The following SHTN1 variants were observed in gnomAD, a reference collection of about 807,000 sequenced individuals.
The protein encoded by SHTN1 is shootin 1.
Under a neutral mutation model 83.1 loss-of-function variants are expected in SHTN1, and 42 were observed. The ratio of observed to expected loss-of-function variants is 0.51; its 90% CI spans 0.39 to 0.65. The LOEUF is 0.65. Among genes scored for constraint, SHTN1 ranks in the 30% least tolerant of loss-of-function variants. The pLI is 0.00. For synonymous variants in SHTN1, 224 were observed against 247.7 expected, an observed-to-expected ratio of 0.90 and a Z score of 0.90; for missense variants, 622 against 737.8, an observed-to-expected ratio of 0.84 and a Z score of 1.82.
intron 6 of SHTN1, 30 bp downstream of exon 6, chr10:116,951,879 G>T (rs779523990): frequency 1.6e-6 from 2 of 1,274,804 alleles, no homozygotes; most frequent in Non-Finnish European, 2.2e-6. Context: ...AAATGCTAAA[G>T]CCCTTGCCTT....
intron 1 of SHTN1, among the ~76,000 whole-genome samples, chr10:117,056,856 C>A (rs914282051): frequency 3.9e-5 from 6 of 151,988 alleles, no homozygotes; most frequent in African/African-American, 1.4e-4. Context: ...AAACAAAAAC[C>A]CTTAGCAAAC....
chr10:117,040,325 ATAAG>A (rs1852565188), intron 2 of SHTN1, among the ~76,000 whole-genome samples: 4 of 152,214 alleles, frequency 2.6e-5, no homozygotes, highest in Admixed American at 2.0e-4. Context: ...GATAAGAAAA[ATAAG>A]TAAGTGAAAA....
chr10:117,050,923 T>G (rs1403638457), intron 1 of SHTN1, among the ~76,000 whole-genome samples: 1 of 152,054 alleles, frequency 6.6e-6, no homozygotes, highest in Non-Finnish European at 1.5e-5. Context: ...CTGGGTGTGG[T>G]GGCACCTGCC....
chr10:116,900,779 CAGG>C, intron 16 of SHTN1: 1 of 985,002 alleles, frequency 1.0e-6, no homozygotes, highest in Non-Finnish European at 1.2e-6. Context: ...CACATGACTA[CAGG>C]AGAAAATGTG....
At chr10:116,940,835 G>A (rs79629226) in intron 8 of SHTN1, among the ~76,000 whole-genome samples, 2,715 of 151,952 alleles carry the variant, frequency 0.018, 48 homozygotes, top group Non-Finnish European at 0.028. Flanking sequence ...CAATAAGCTG[G>A]TCTTACTCTT....
chr10:117,015,395 G>A (rs148939637), intron 2 of SHTN1, among the ~76,000 whole-genome samples: 23 of 152,260 alleles, frequency 1.5e-4, no homozygotes, highest in Admixed American at 1.3e-3. Flanking sequence ...GCAATGGCAC[G>A]ATCTCAGCTC....
intron 2 of SHTN1, among the ~76,000 whole-genome samples, chr10:117,021,252 C>CTTCCTCCCTCCCTTCCTCCT (rs758154344): frequency 6.6e-6 from 1 of 151,774 alleles, no homozygotes; most frequent in Non-Finnish European, 1.5e-5. Context: ...ACGTGCCTCC[C>CTTCCTCCCTCCCTTCCTCCT]TTCCTCCCTC....
At chr10:117,064,624 C>T (rs1852947379) in intron 1 of SHTN1, among the ~76,000 whole-genome samples, 2 of 148,012 alleles carry the variant, frequency 1.4e-5, no homozygotes, top group Non-Finnish European at 3.0e-5. Context: ...CACTGCATTC[C>T]AGTCCGGGCA....
intron 2 of SHTN1, among the ~76,000 whole-genome samples, chr10:117,047,312 G>A (rs1260183894): frequency 3.3e-5 from 5 of 151,858 alleles, no homozygotes; most frequent in East Asian, 2.0e-4. Flanking sequence ...TGATCCACCC[G>A]CCTCAGCCTC....
At chr10:116,990,553 A>C (rs1168920718) in intron 1 of SHTN1, among the ~76,000 whole-genome samples, 1 of 152,060 alleles carries the variant, frequency 6.6e-6, no homozygotes, top group Non-Finnish European at 1.5e-5. Flanking sequence ...TGCCTTGTTA[A>C]CAATGAGGGT....
At chr10:117,006,165 G>A (rs1239846505), upstream of SHTN1, among the ~76,000 whole-genome samples, 1 of 151,994 alleles carries the variant, frequency 6.6e-6, no homozygotes, top group Non-Finnish European at 1.5e-5. Context: ...CTACTCTCAA[G>A]GAAGAGTTGT....
intron 1 of SHTN1, among the ~76,000 whole-genome samples, chr10:116,997,038 CTCTG>C (rs1198589064): frequency 3.9e-5 from 6 of 152,230 alleles, no homozygotes; most frequent in African/African-American, 1.4e-4. Context: ...TCTGCCTTCC[CTCTG>C]TCTGCCTAAA....
chr10:117,068,855 A>T (rs148263961), intron 1 of SHTN1, among the ~76,000 whole-genome samples: 1 of 152,176 alleles, frequency 6.6e-6, no homozygotes, highest in South Asian at 2.1e-4. Flanking sequence ...CAGCTGAGTG[A>T]TGAGTACACA....
chr10:117,069,618 T>G (rs777859235), intron 1 of SHTN1, among the ~76,000 whole-genome samples: 50 of 152,334 alleles, frequency 3.3e-4, no homozygotes, highest in Middle Eastern at 3.4e-3. Flanking sequence ...GTTACATTAC[T>G]ATTATTAAGT....
At chr10:116,979,947 G>A (rs1285522974) in intron 1 of SHTN1, among the ~76,000 whole-genome samples, 1 of 152,176 alleles carries the variant, frequency 6.6e-6, no homozygotes, top group Admixed American at 6.5e-5. Context: ...AAGATTGTCA[G>A]TCACGACCAG....
At chr10:117,078,941 A>T (rs1853207436) in intron 1 of SHTN1, among the ~76,000 whole-genome samples, 2 of 151,928 alleles carry the variant, frequency 1.3e-5, no homozygotes. Context: ...CCATTAGATC[A>T]GTAGTGATGG....
At chr10:117,009,173 G>A (rs1356670581), upstream of SHTN1, among the ~76,000 whole-genome samples, 4 of 151,792 alleles carry the variant, frequency 2.6e-5, no homozygotes, top group African/African-American at 4.8e-5. Flanking sequence ...AAAGGAGAAA[G>A]AAGTCAAAAT....
At chr10:116,929,755 A>C in intron 10 of SHTN1, 94 bp downstream of exon 10, 1 of 725,116 alleles carries the variant, frequency 1.4e-6, no homozygotes, top group Non-Finnish European at 2.0e-6. Flanking sequence ...GCATTCAGTA[A>C]ATGTTCTAGA....
chr10:116,958,380 TCA>T (rs1257660248), intron 4 of SHTN1, among the ~76,000 whole-genome samples: 7 of 152,202 alleles, frequency 4.6e-5, no homozygotes, highest in African/African-American at 7.2e-5. Context: ...TACTATATCT[TCA>T]AAAATAAACT....
Sources: allele counts gnomAD v4.1 joint callset (sites outside exome capture counted in the v4.1 genomes callset), GRCh38; gene constraint gnomAD v4.1.1; transcripts MANE v1.5; gene names NCBI Gene and HGNC (gene_info 2026-07-23, HGNC 2026-07-21).